Variants in FEZ2 observed in about 807,000 individuals in gnomAD.
The protein encoded by FEZ2 is fasciculation and elongation protein zeta-2.
Under a neutral mutation model 40.4 loss-of-function variants are expected in FEZ2, and 51 were observed. That is an observed-to-expected ratio of 1.26 (90% CI 1.01 to 1.59). The LOEUF is 1.59. Among genes scored for constraint, FEZ2 ranks in the 40% most tolerant of loss-of-function variants. The pLI is 0.00. For synonymous variants in FEZ2, 242 were observed against 172.0 expected, an observed-to-expected ratio of 1.41 and a Z score of -3.18; for missense variants, 640 against 438.3, an observed-to-expected ratio of 1.46 and a Z score of -4.11.
intron 5 of FEZ2, among the ~76,000 whole-genome samples, chr2:36,568,140 T>G (rs937326685): frequency 5.3e-5 from 8 of 151,984 alleles, no homozygotes; most frequent in Non-Finnish European, 7.4e-5. Context: ...ATGCTTAAAT[T>G]TTATAAGTAG....
chr2:36,559,270 C>A (rs1310585610), intron 5 of FEZ2: 2 of 152,186 alleles, frequency 1.3e-5, no homozygotes, highest in Non-Finnish European at 2.9e-5. Flanking sequence ...CCCATGAAAG[C>A]ATAATCCATA....
chr2:36,565,925 T>C (rs1215377019), intron 5 of FEZ2, among the ~76,000 whole-genome samples: 4 of 152,160 alleles, frequency 2.6e-5, no homozygotes, highest in Non-Finnish European at 5.9e-5. Flanking sequence ...TTTTCAGACA[T>C]TGACTCATGT....
chr2:36,572,894 A>T (rs371156872), intron 5 of FEZ2, among the ~76,000 whole-genome samples: 1 of 152,162 alleles, frequency 6.6e-6, no homozygotes, highest in African/African-American at 2.4e-5. Context: ...GAAAGAGTGT[A>T]TATCATCTAA....
chr2:36,591,352 G>C (rs1051393441), intron 1 of FEZ2: 22 of 204,672 alleles, frequency 1.1e-4, no homozygotes, highest in African/African-American at 5.1e-4. Context: ...CATTAGAAGG[G>C]GGAACCATTA....
chr2:36,555,556 C>G (rs1667935814), intron 7 of FEZ2, 127 bp downstream of exon 7: 3 of 512,168 alleles, frequency 5.9e-6, no homozygotes, highest in Non-Finnish European at 1.1e-5. Context: ...CTAATCCTCA[C>G]CCTGCATAAT....
intron 5 of FEZ2, among the ~76,000 whole-genome samples, chr2:36,569,307 C>G (rs1668340600): frequency 6.6e-6 from 1 of 152,100 alleles, no homozygotes; most frequent in Non-Finnish European, 1.5e-5. Flanking sequence ...ATAACCACAC[C>G]TTTCTACTTT....
At position 36,583,390 on chromosome 2, in the gene FEZ2, G is replaced by C. The variant is rs759036786; in HGVS notation, c.455C>G (p.Ser152Cys). The C allele has an allele frequency of 1.2e-6, 2 of 1,604,272 alleles. No individual in the cohort carries two copies. The highest frequency in any genetic ancestry group is 2.7e-5 in the African/African-American group (2 of 74,726). The change falls in exon 3 of 8, where the codon TCC (serine) becomes TGC (cysteine). Residue 152 changes from serine (S) to cysteine (C), a missense_variant. Ser to Cys is a moderately radical substitution (Grantham distance 112). Transcript: ENST00000405912. ...GAAGAGGGGTTCATCATTAACACAGGAGACGATGATTGAGTGCATATCCAG... is the reference window on the plus strand; with the variant it reads ...GAAGAGGGGTTCATCATTAACACAGCAGACGATGATTGAGTGCATATCCAG... ...EQLDMHSIIV[S>C]CVNDEPLFTA...
chr2:36,571,939 G>C (rs900504341), intron 5 of FEZ2, among the ~76,000 whole-genome samples: 1 of 150,168 alleles, frequency 6.7e-6, no homozygotes, highest in African/African-American at 2.5e-5. Context: ...CGCTGGAACC[G>C]GGGATGCGGA....
intron 5 of FEZ2, among the ~76,000 whole-genome samples, chr2:36,567,564 C>T (rs1237818603): frequency 1.3e-5 from 2 of 151,980 alleles, no homozygotes; most frequent in African/African-American, 4.8e-5. Context: ...GAGTTCGAGA[C>T]CAGCCTGGCC....
chr2:36,563,845 A>G (rs1668159755), intron 5 of FEZ2, among the ~76,000 whole-genome samples: 1 of 152,156 alleles, frequency 6.6e-6, no homozygotes, highest in Non-Finnish European at 1.5e-5. Flanking sequence ...ATTCAGAGAC[A>G]CCACACTCTC....
At chr2:36,576,567 G>T (rs1037343310) in intron 5 of FEZ2, among the ~76,000 whole-genome samples, 2 of 152,162 alleles carry the variant, frequency 1.3e-5, no homozygotes, top group African/African-American at 4.8e-5. Flanking sequence ...CACCGCGCCC[G>T]GCCGCATTTT....
At chr2:36,575,114 T>C (rs953012922) in intron 5 of FEZ2, among the ~76,000 whole-genome samples, 1 of 152,234 alleles carries the variant, frequency 6.6e-6, no homozygotes, top group South Asian at 2.1e-4. Flanking sequence ...TTTCCTTGTT[T>C]ATTGCCTTTC....
At chr2:36,565,221 CT>C (rs1158703135) in intron 5 of FEZ2, among the ~76,000 whole-genome samples, 1 of 152,232 alleles carries the variant, frequency 6.6e-6, no homozygotes, top group African/African-American at 2.4e-5. Flanking sequence ...CATGAAATCG[CT>C]GCAACAGCCT....
chr2:36,554,052 CTA>C (rs1480685447), intron 7 of FEZ2: 2 of 335,168 alleles, frequency 6.0e-6, no homozygotes, highest in Non-Finnish European at 1.2e-5. Flanking sequence ...CCACTGTAGT[CTA>C]AATCCTTGCT....
chr2:36,576,111 A>C (rs848599), intron 5 of FEZ2, among the ~76,000 whole-genome samples: 4,345 of 152,276 alleles, frequency 0.029, 436 homozygotes, highest in East Asian at 0.18. Context: ...CATGTGATAT[A>C]AAATGCTTGG....
rs754290628 is a variant in FEZ2, at chr2:36,579,034, T to C, written c.635-169A>G. The C allele has an allele frequency of 5.1e-4, 311 of 610,498 alleles. 2 individuals are homozygous for C. Among genetic ancestry groups the C allele is most frequent in the Non-Finnish European group, 8.0e-4 (282 of 353,696 alleles). The allele number at this position is 610,498 out of a possible 1,614,324, so 37.8% of individuals were successfully genotyped here. A position where few individuals can be genotyped will look rare whatever the true frequency, so the allele number is the denominator to read the frequency against. ...ACTGTGGGTGATCTTCTCAGAATTCTACAACTTCTGGAGATCAGATCTGAG... is the reference window on the plus strand; with the variant it reads ...ACTGTGGGTGATCTTCTCAGAATTCCACAACTTCTGGAGATCAGATCTGAG... On this transcript the variant is annotated intron_variant, in intron 4 of 7. Coordinates refer to ENST00000405912, the MANE Select transcript of FEZ2 (RefSeq NM_005102.3).
At chr2:36,564,908 C>T (rs917172301) in intron 5 of FEZ2, among the ~76,000 whole-genome samples, 7 of 152,194 alleles carry the variant, frequency 4.6e-5, no homozygotes, top group Non-Finnish European at 7.3e-5. Flanking sequence ...TTCTCTCCCC[C>T]GTTGTGTGCC....
intron 1 of FEZ2, among the ~76,000 whole-genome samples, chr2:36,593,811 T>G (rs1206333529): frequency 1.3e-5 from 2 of 151,476 alleles, no homozygotes; most frequent in Admixed American, 1.3e-4. Context: ...CGCAAATTTC[T>G]GCAGCTAGCT....
In FEZ2 at chr2:36,583,387, C is replaced by G. The variant is rs1668809032; in HGVS notation, c.458G>C (p.Cys153Ser). ...CGTGAAGAGGGGTTCATCATTAACA[C>G]AGGAGACGATGATTGAGTGCATATC... Reference protein sequence around the residue: ...QLDMHSIIVSCVNDEPLFTAD... With the variant: ...QLDMHSIIVSSVNDEPLFTAD... Residue 153 changes from cysteine (C) to serine (S), a missense_variant, in exon 3 of 8, where the codon TGT (cysteine) becomes TCT (serine). Cys to Ser is a moderately radical substitution (Grantham distance 112). Transcript: ENST00000405912. 5 of 1,602,300 alleles carry G rather than the reference C, an allele frequency of 3.1e-6. No homozygotes were observed. Among genetic ancestry groups the G allele is most frequent in the Admixed American group, 1.7e-5 (1 of 59,970 alleles).
Sources: gnomAD v4.1 joint callset for allele counts (sites outside exome capture counted in the v4.1 genomes callset) on GRCh38, gnomAD v4.1.1 for gene constraint, MANE v1.5 for transcripts, NCBI Gene and HGNC (gene_info 2026-07-23, HGNC 2026-07-21) for gene names.